Variants in DST observed in about 807,000 individuals in gnomAD.
DST encodes the protein bullous pemphigoid antigen.
Under a neutral mutation model 875.2 loss-of-function variants are expected in DST, and 253 were observed. The observed-to-expected ratio is 0.29, with a 90% CI of 0.26 to 0.32. DST has a LOEUF of 0.32. DST is among the 10% of genes least tolerant of loss of function. The pLI is 1.00. For synonymous variants in DST, 3,124 were observed against 3,197.1 expected (o/e 0.98, Z 0.77); for missense variants, 8,287 against 9,111.6 (o/e 0.91, Z 3.68).
chr6:56,761,230 C>A (rs754450693), intron 4 of DST, among the ~76,000 whole-genome samples: 4 of 152,208 alleles, frequency 2.6e-5, no homozygotes, highest in Admixed American at 2.6e-4. Flanking sequence ...AGGACAGCAG[C>A]CCTGGGCAAC....
chr6:56,617,120 C>T lies in DST; in HGVS notation c.4930-2636G>A, dbSNP rs755634476. ...TTCTTCAACAGTCTTAAGACCGAGT[C>T]GCAGCTGCTCAATTGTTCTCATGTC... is the stretch of plus-strand genomic sequence containing the variant. On this transcript the variant is annotated intron_variant, in intron 36 of 103. Transcript: ENST00000680361. 10 of 1,611,660 alleles carry T rather than the reference C, an allele frequency of 6.2e-6. No individual in the cohort carries two copies. The highest frequency in any genetic ancestry group is 8.5e-6 in the Non-Finnish European group (10 of 1,178,390).
intron 4 of DST, among the ~76,000 whole-genome samples, chr6:56,741,529 GCTTCAA>G (rs1397593280): frequency 6.6e-6 from 1 of 152,112 alleles, no homozygotes; most frequent in African/African-American, 2.4e-5. Context: ...AATTCTAAAG[GCTTCAA>G]CTTTCTTCAA....
intron 5 of DST, among the ~76,000 whole-genome samples, chr6:56,721,816 CT>C (rs1216111789): frequency 6.6e-6 from 1 of 152,194 alleles, no homozygotes; most frequent in Admixed American, 6.5e-5. Context: ...GAAGACCATC[CT>C]GTCTTCACCA....
chr6:56,812,109 A>AAAAAAAAAGAAAAGAAAAGAAAAG (rs1554158454), intron 4 of DST, among the ~76,000 whole-genome samples: 1 of 111,802 alleles, frequency 8.9e-6, no homozygotes, highest in Non-Finnish European at 1.8e-5. Context: ...CTCAAAAAAA[A>AAAAAAAAAGAAAAGAAAAGAAAAG]AAAAGAAAAG....
At chr6:56,910,558 C>T (rs912753339) in intron 2 of DST, among the ~76,000 whole-genome samples, 1 of 152,150 alleles carries the variant, frequency 6.6e-6, no homozygotes, top group African/African-American at 2.4e-5. Context: ...GCTGTCAGCT[C>T]ACTGCAACCT....
intron 4 of DST, among the ~76,000 whole-genome samples, chr6:56,835,415 G>A (rs1384056814): frequency 6.6e-6 from 1 of 152,134 alleles, no homozygotes; most frequent in East Asian, 1.9e-4. Context: ...TACCACACCA[G>A]TACCGATATA....
chr6:56,688,652 T>G (rs1161257060), intron 9 of DST, among the ~76,000 whole-genome samples: 3 of 152,240 alleles, frequency 2.0e-5, no homozygotes, highest in Admixed American at 2.0e-4. Flanking sequence ...TTTTCATTAC[T>G]TAATAGAGTC....
rs372784136 is a variant in DST at position 56,458,939 on chromosome 6, A to G, written c.*66T>C. 2.2e-4 allele frequency: 311 copies of G among 1,446,052 alleles called. 8 individuals are homozygous for G. The South Asian group carries it at 4.8e-3, about 22-fold the overall frequency. The allele number at this position is 1,446,052 out of a possible 1,614,324, so 89.6% of individuals were successfully genotyped here. A position where few individuals can be genotyped will look rare whatever the true frequency, so the allele number is the denominator to read the frequency against. ...AATATTTCACAAGAATTTCTACACC[A>G]TATTTTACATCGTTCAAACTTAAAT... On this transcript the variant is annotated 3_prime_UTR_variant, in exon 104 of 104. Transcript: ENST00000680361.
chr6:56,765,726 T>G (rs2099631698), intron 4 of DST, among the ~76,000 whole-genome samples: 1 of 152,138 alleles, frequency 6.6e-6, no homozygotes, highest in Non-Finnish European at 1.5e-5. Context: ...GTTAAAGCAA[T>G]TACTAGCATC....
At chr6:56,779,179 C>T (rs1284419323) in intron 4 of DST, among the ~76,000 whole-genome samples, 2 of 152,052 alleles carry the variant, frequency 1.3e-5, no homozygotes, top group South Asian at 4.1e-4. Context: ...GCATAAACGT[C>T]TTCTTTTGAG....
chr6:56,572,538 A>G (rs1402422689), intron 52 of DST, among the ~76,000 whole-genome samples: 2 of 152,228 alleles, frequency 1.3e-5, no homozygotes, highest in Non-Finnish European at 2.9e-5. Flanking sequence ...CCTATGATAC[A>G]TGTGATAAAT....
chr6:56,790,778 G>C (rs1038856230), intron 4 of DST, among the ~76,000 whole-genome samples: 1 of 152,170 alleles, frequency 6.6e-6, no homozygotes, highest in Non-Finnish European at 1.5e-5. Flanking sequence ...ATGAAAACCA[G>C]TTTGTACTGG....
intron 3 of DST, among the ~76,000 whole-genome samples, chr6:56,860,527 T>C (rs1466184196): frequency 1.3e-5 from 2 of 152,176 alleles, no homozygotes; most frequent in Non-Finnish European, 2.9e-5. Context: ...GGAAGAAAGC[T>C]GTATGACTCA....
At chr6:56,627,422 T>C (rs1271403347) in intron 33 of DST, 135 bp from the exon 34 acceptor site, 1 of 728,148 alleles carries the variant, frequency 1.4e-6, no homozygotes, top group African/African-American at 1.7e-5. Context: ...AATACACAAC[T>C]TGCCTTATGG....
intron 49 of DST, among the ~76,000 whole-genome samples, chr6:56,589,948 G>A (rs1248283999): frequency 6.6e-6 from 1 of 152,188 alleles, no homozygotes; most frequent in Non-Finnish European, 1.5e-5. Flanking sequence ...TCGATTTTTT[G>A]TAGTAGTCTC....
At chr6:56,574,417 T>C (rs989753073) in intron 50 of DST, among the ~76,000 whole-genome samples, 3 of 152,186 alleles carry the variant, frequency 2.0e-5, no homozygotes, top group Non-Finnish European at 2.9e-5. Context: ...GCTTTTGTCA[T>C]ACTTCACAAC....
At chr6:56,888,842 A>G (rs1031892496) in intron 3 of DST, among the ~76,000 whole-genome samples, 14 of 152,222 alleles carry the variant, frequency 9.2e-5, no homozygotes, top group Non-Finnish European at 1.9e-4. Context: ...AGAAACCCAC[A>G]ACAGAAGGAA....
intron 4 of DST, among the ~76,000 whole-genome samples, chr6:56,740,230 A>T (rs1424810903): frequency 6.6e-6 from 1 of 152,170 alleles, no homozygotes; most frequent in Non-Finnish European, 1.5e-5. Context: ...CTCTCTGGCA[A>T]GAGATCCAAG....
intron 9 of DST, among the ~76,000 whole-genome samples, chr6:56,682,243 G>A (rs981128826): frequency 3.3e-5 from 5 of 152,032 alleles, no homozygotes; most frequent in Admixed American, 6.6e-5. Flanking sequence ...CACCATCATG[G>A]CTCACTGCAG....
Sources: gnomAD v4.1 joint callset for allele counts (sites outside exome capture counted in the v4.1 genomes callset) on GRCh38, gnomAD v4.1.1 for gene constraint, MANE v1.5 for transcripts, NCBI Gene and HGNC (gene_info 2026-07-23, HGNC 2026-07-21) for gene names.